PRPF3: variants seen among roughly 807,000 people sequenced by gnomAD.
The protein encoded by PRPF3 is U4/U6 small nuclear ribonucleoprotein Prp3.
Under a neutral mutation model 89.2 loss-of-function variants are expected in PRPF3, and 3 were observed. The ratio of observed to expected loss-of-function variants is 0.03; its 90% CI spans 0.02 to 0.09. The LOEUF (loss-of-function observed/expected upper bound fraction) is 0.09. PRPF3 is among the 10% of genes least tolerant of loss of function. PRPF3 has a pLI of 1.00. For synonymous variants in PRPF3, 270 were observed against 289.1 expected (o/e 0.93, Z 0.67); for missense variants, 463 against 828.8 (o/e 0.56, Z 5.42).
In PRPF3 at chr1:150,352,681, C is replaced by T. The variant is rs1212484535; in HGVS notation, c.1906-152C>T. 31 of 797,328 alleles carry T rather than the reference C, an allele frequency of 3.9e-5. No individual in the cohort carries two copies. In the East Asian group the frequency reaches 6.2e-4, roughly 16 times the overall value. The allele number at this position is 797,328 out of a possible 1,614,324, so 49.4% of individuals were successfully genotyped here. ...CTCTGTCTCAGAAAAACACAAATAT[C>T]CAAGGAAATGGAGGTCACAATTTTT... On this transcript the variant is annotated intron_variant, in intron 15 of 15. Transcript: ENST00000324862.
chr1:150,347,267 CACAT>C (rs1413762604), intron 14 of PRPF3, among the ~76,000 whole-genome samples: 20 of 150,952 alleles, frequency 1.3e-4, no homozygotes, highest in African/African-American at 4.1e-4. Flanking sequence ...TACACACATA[CACAT>C]ACATACACAC....
intron 1 of PRPF3, among the ~76,000 whole-genome samples, chr1:150,323,265 C>A (rs587663259): frequency 6.7e-6 from 1 of 149,482 alleles, no homozygotes; most frequent in South Asian, 2.2e-4. Context: ...CAACCTCCGC[C>A]TCCTGGGTTC....
At chr1:150,335,758 C>G (rs1560100183) in intron 7 of PRPF3, among the ~76,000 whole-genome samples, 1 of 91,800 alleles carries the variant, frequency 1.1e-5, no homozygotes, top group Non-Finnish European at 2.0e-5. Context: ...AGCCACCGCC[C>G]CCGCCTTTTT....
In PRPF3 at chr1:150,325,090, A is replaced by G. The variant is rs1553863367; in HGVS notation, c.145+3A>G. Reference sequence around the variant, plus strand: ...CATGGACAAGAAGAAGGCAGCCGGTATGTACCTTTCTGCATCTTTTATCTT... The same window carrying G: ...CATGGACAAGAAGAAGGCAGCCGGTGTGTACCTTTCTGCATCTTTTATCTT... On this transcript the variant is annotated splice_donor_region_variant and intron_variant, in intron 2 of 15. Coordinates refer to ENST00000324862, the MANE Select transcript of PRPF3 (RefSeq NM_004698.4). 6.2e-7 allele frequency: 1 copy of G among 1,613,106 alleles called. No homozygotes were observed. The highest frequency in any genetic ancestry group is 2.2e-5 in the East Asian group (1 of 44,828).
In PRPF3 at chr1:150,353,200, G is replaced by C. The variant is rs114825525; in HGVS notation, c.*221G>C. 6.4e-4 allele frequency: 371 copies of C among 582,102 alleles called. 3 individuals carry two copies. Among genetic ancestry groups the C allele is most frequent in the African/African-American group, 6.0e-3 (321 of 53,448 alleles). The allele number at this position is 582,102 out of a possible 1,614,324, so 36.1% of individuals were successfully genotyped here. ...GATTAAAGAGTTATTTTTAAACTTGGTGTGATATTTTTCACACATTCGTAA... is the reference window on the plus strand; with the variant it reads ...GATTAAAGAGTTATTTTTAAACTTGCTGTGATATTTTTCACACATTCGTAA... On this transcript the variant is annotated 3_prime_UTR_variant, in exon 16 of 16. Coordinates refer to ENST00000324862, the MANE Select transcript of PRPF3 (RefSeq NM_004698.4).
At chr1:150,337,241 G>A (rs1218216489) in intron 7 of PRPF3, among the ~76,000 whole-genome samples, 7 of 150,922 alleles carry the variant, frequency 4.6e-5, no homozygotes, top group African/African-American at 7.3e-5. Context: ...GGGTTTCACC[G>A]TGTTAGCCAG....
chr1:150,345,375 AG>A (rs1658172276), intron 12 of PRPF3, among the ~76,000 whole-genome samples: 1 of 151,846 alleles, frequency 6.6e-6, no homozygotes, highest in African/African-American at 2.4e-5. Context: ...TTTGAGACGG[AG>A]TTTCAGTCTT....
chr1:150,349,075 TAG>T, intron 14 of PRPF3, 80 bp from the exon 15 acceptor site: 2 of 1,130,318 alleles, frequency 1.8e-6, no homozygotes, highest in Non-Finnish European at 2.7e-6. Context: ...GATAATATTT[TAG>T]AGAGTTTGGG....
At position 150,332,043 on chromosome 1, in the gene PRPF3, T is replaced by C. The variant is rs1357367569; in HGVS notation, c.424-641T>C. On this transcript the variant is annotated intron_variant, in intron 4 of 15. Coordinates refer to ENST00000324862, the MANE Select transcript of PRPF3 (RefSeq NM_004698.4). ...ATCGAGACCATCCTGGCTAACAGGG[T>C]GAAACCCCATCTCTACTAAAAATAC... Among the ~76,000 whole-genome samples, 11 of 151,828 alleles carry C rather than the reference T, an allele frequency of 7.2e-5. No homozygotes were observed. The East Asian group carries it at 2.1e-3, about 30-fold the overall frequency.
chr1:150,351,667 A>ATATTTT, intron 15 of PRPF3, among the ~76,000 whole-genome samples: 1 of 94,442 alleles, frequency 1.1e-5, no homozygotes. Flanking sequence ...TGCCTGGCTA[A>ATATTTT]TTTTTTTTTT....
chr1:150,342,960 T>C (rs1272798), intron 9 of PRPF3, among the ~76,000 whole-genome samples: 82,528 of 152,198 alleles, frequency 0.54, 23,267 homozygotes, highest in Non-Finnish European at 0.62. Flanking sequence ...TAAGCCACTG[T>C]GTCCAGCCTA....
intron 10 of PRPF3, 98 bp from the exon 11 acceptor site, chr1:150,344,064 A>C (rs587672356): frequency 9.4e-7 from 1 of 1,061,312 alleles, no homozygotes; most frequent in African/African-American, 1.6e-5. Flanking sequence ...AGAGATTTGA[A>C]ATAGGTAAAT....
At chr1:150,345,883 T>A (rs1427492045) in intron 12 of PRPF3, 135 bp from the exon 13 acceptor site, 1 of 764,056 alleles carries the variant, frequency 1.3e-6, no homozygotes. Context: ...TTTTAAGCAT[T>A]CATCTATTTG....
Position 150,343,310 on chromosome 1 carries a change from T to C in PRPF3, c.1284T>C (p.Val428=). ...TATACTAATATCTCTGCCTGACAGT[T>C]GACAATGACACACCAGTTACTCTGG... The part of the protein sequence containing the change: ...VEHPAQLNPP[V]DNDTPVTLGV... Residue 428 remains valine, a splice_region_variant and synonymous_variant, in exon 10 of 16, where the codon GTT becomes GTC. Transcript: ENST00000324862. The C allele has an allele frequency of 6.2e-7, 1 of 1,609,280 alleles. No individual in the cohort carries two copies. Among genetic ancestry groups the C allele is most frequent in the Non-Finnish European group, 8.5e-7 (1 of 1,177,966 alleles).
At chr1:150,348,964 G>A (rs1658611333) in intron 14 of PRPF3, 193 bp from the exon 15 acceptor site, 3 of 607,928 alleles carry the variant, frequency 4.9e-6, no homozygotes, top group Non-Finnish European at 5.9e-6. Context: ...AATGCTAATT[G>A]TATCAATTAA....
At chr1:150,328,255 G>A in intron 3 of PRPF3, 65 bp from the exon 4 acceptor site, 1 of 1,592,646 alleles carries the variant, frequency 6.3e-7, no homozygotes, top group Non-Finnish European at 8.6e-7. Flanking sequence ...GTAGGGGCTA[G>A]GATAATTCTT....
intron 10 of PRPF3, 25 bp from the exon 11 acceptor site, chr1:150,344,137 G>T (rs1370260825): frequency 6.3e-7 from 1 of 1,595,542 alleles, no homozygotes; most frequent in Non-Finnish European, 8.6e-7. Context: ...TTCAAAGACT[G>T]ATTGTTGTCC....
At chr1:150,348,881 C>T (rs1658603258) in intron 14 of PRPF3, 1 of 437,010 alleles carries the variant, frequency 2.3e-6, no homozygotes, top group Non-Finnish European at 4.2e-6. Flanking sequence ...AGTTTTTATT[C>T]TTGACTGCTT....
At chr1:150,330,738 A>G (rs1249252766) in intron 4 of PRPF3, among the ~76,000 whole-genome samples, 2 of 140,024 alleles carry the variant, frequency 1.4e-5, no homozygotes, top group Non-Finnish European at 3.1e-5. Context: ...TTTTTTTGAG[A>G]CGGAGTCTCA....
Sources: allele counts gnomAD v4.1 joint callset (sites outside exome capture counted in the v4.1 genomes callset), GRCh38; gene constraint gnomAD v4.1.1; transcripts MANE v1.5; gene names NCBI Gene and HGNC (gene_info 2026-07-23, HGNC 2026-07-21).